LTBP1: variants seen among roughly 807,000 people sequenced by gnomAD.
LTBP1 encodes the protein latent transforming growth factor beta binding protein 1, also known as latent-transforming growth factor beta-binding protein 1.
A neutral mutation model predicts 207.6 loss-of-function variants in LTBP1; 129 were observed. That is an observed-to-expected ratio of 0.62 (90% CI 0.54 to 0.72). LTBP1 has a LOEUF of 0.72. Among genes scored for constraint, LTBP1 ranks in the 30% least tolerant of loss-of-function variants. The probability of loss-of-function intolerance (pLI) is 0.00; values close to 1 mark genes in which losing one functional copy is unlikely to be tolerated. For missense variants in LTBP1, 2,281 were observed against 2,217.2 expected (o/e 1.03, Z -0.58); for synonymous variants, 963 against 833.7 (o/e 1.16, Z -2.67).
At chr2:33,398,287 T>A in intron 33 of LTBP1, 77 bp from the exon 34 acceptor site, 1 of 1,379,390 alleles carries the variant, frequency 7.2e-7, no homozygotes, top group Non-Finnish European at 1.0e-6. Flanking sequence ...GGGAAGGGCC[T>A]CAGGTAAGCC....
At chr2:33,163,807 GT>G (rs1386744602) in intron 5 of LTBP1, among the ~76,000 whole-genome samples, 2 of 152,072 alleles carry the variant, frequency 1.3e-5, no homozygotes, top group African/African-American at 4.8e-5. Flanking sequence ...TTGATTTCTA[GT>G]TAATAAAGAT....
At position 33,089,141 on chromosome 2, in the gene LTBP1, G is replaced by A. The variant is rs2078928585; in HGVS notation, c.864-21441G>A. On this transcript the variant is annotated intron_variant, in intron 3 of 33. Coordinates refer to ENST00000404816, the MANE Select transcript of LTBP1 (RefSeq NM_206943.4). ...ACTGCACTCCAGCCTGGGTGATAGA[G>A]TAAGACTCAGTCTCAAAAAAAAAAA... Among the ~76,000 whole-genome samples, 3 of 118,796 alleles carry A rather than the reference G, an allele frequency of 2.5e-5. No individual in the cohort carries two copies. The South Asian group carries it at 8.9e-4, about 35-fold the overall frequency. 77.9% of individuals were successfully genotyped at this position (118,796 alleles called of 152,430 possible).
At chr2:33,250,612 A>G (rs982392091) in intron 10 of LTBP1, among the ~76,000 whole-genome samples, 3 of 152,128 alleles carry the variant, frequency 2.0e-5, no homozygotes, top group African/African-American at 2.4e-5. Context: ...AATTCCTGCA[A>G]TCCTAGCCAC....
chr2:33,149,405 G>A (rs1346357018), intron 5 of LTBP1, among the ~76,000 whole-genome samples: 1 of 152,028 alleles, frequency 6.6e-6, no homozygotes, highest in Non-Finnish European at 1.5e-5. Flanking sequence ...ATTTTGTCCA[G>A]GTCCTTGGAA....
chr2:33,125,942 A>G (rs992529062), intron 4 of LTBP1, among the ~76,000 whole-genome samples: 6 of 152,154 alleles, frequency 3.9e-5, no homozygotes, highest in African/African-American at 1.2e-4. Flanking sequence ...GTTCTGGCTC[A>G]GTTTCTTTCA....
At chr2:32,975,608 T>G (rs1681627219) in intron 2 of LTBP1, among the ~76,000 whole-genome samples, 1 of 135,192 alleles carries the variant, frequency 7.4e-6, no homozygotes, top group Non-Finnish European at 1.6e-5. Context: ...TTTTTTTTTT[T>G]TTTTTTTTTT....
chr2:33,045,529 T>C (rs1469292713), intron 3 of LTBP1, among the ~76,000 whole-genome samples: 1 of 152,232 alleles, frequency 6.6e-6, no homozygotes, highest in Non-Finnish European at 1.5e-5. Context: ...TGTAGTATAG[T>C]TTGAAGTCAG....
At position 33,215,716 on chromosome 2, in the gene LTBP1, G is replaced by GTTTTTTT. The variant is rs1287189048; in HGVS notation, c.1702-1830_1702-1829insTTTTTTT. ...GCTAAACTTCCATTGGTTTTCTTTT[G>GTTTTTTT]TTTTTTGTTTTTTTTTTTTGAGATA... On this transcript the variant is annotated intron_variant, in intron 7 of 33. Transcript: ENST00000404816. Among the ~76,000 whole-genome samples the GTTTTTTT allele has an allele frequency of 1.4e-4, 19 of 139,058 alleles. 1 individual carries two copies. Among genetic ancestry groups the GTTTTTTT allele is most frequent in the Middle Eastern group, 3.8e-3 (1 of 260 alleles). The allele number at this position is 139,058 out of a possible 152,430, so 91.2% of individuals were successfully genotyped here.
intron 3 of LTBP1, among the ~76,000 whole-genome samples, chr2:33,074,259 G>A (rs1030484120): frequency 5.3e-5 from 8 of 152,206 alleles, no homozygotes; most frequent in Non-Finnish European, 4.4e-5. Context: ...GCAAACCGGG[G>A]CTGATCTGCC....
intron 24 of LTBP1, among the ~76,000 whole-genome samples, chr2:33,339,376 T>G (rs772242823): frequency 9.4e-4 from 143 of 152,328 alleles, no homozygotes; most frequent in Middle Eastern, 6.8e-3. Context: ...TTTCCGAGTT[T>G]CTTTCCAGCC....
At chr2:33,087,733 A>G (rs185460175) in intron 3 of LTBP1, among the ~76,000 whole-genome samples, 1 of 152,246 alleles carries the variant, frequency 6.6e-6, no homozygotes. Flanking sequence ...TAAAGTGCCG[A>G]TGGAGTTTAT....
At chr2:33,339,827 T>G (rs1310455847) in intron 24 of LTBP1, among the ~76,000 whole-genome samples, 1 of 151,972 alleles carries the variant, frequency 6.6e-6, no homozygotes, top group Non-Finnish European at 1.5e-5. Flanking sequence ...GTATTTTTAG[T>G]AGAGACGGGG....
At chr2:33,291,462 C>G (rs893322731) in intron 19 of LTBP1, 2 of 152,182 alleles carry the variant, frequency 1.3e-5, no homozygotes, top group Non-Finnish European at 2.9e-5. Flanking sequence ...AATTTCTATG[C>G]CTGGTGTCTA....
chr2:33,054,318 C>G (rs942225594), intron 3 of LTBP1, among the ~76,000 whole-genome samples: 1 of 152,150 alleles, frequency 6.6e-6, no homozygotes, highest in African/African-American at 2.4e-5. Flanking sequence ...TTCTGTAATC[C>G]TTTATGAGCT....
chr2:33,262,900 T>C, intron 14 of LTBP1, 79 bp downstream of exon 14: 1 of 963,452 alleles, frequency 1.0e-6, no homozygotes, highest in Non-Finnish European at 1.6e-6. Context: ...TCTTTGACTT[T>C]GTGTAGTAAA....
At chr2:33,164,536 C>G (rs2084759781) in intron 5 of LTBP1, among the ~76,000 whole-genome samples, 1 of 151,432 alleles carries the variant, frequency 6.6e-6, no homozygotes, top group African/African-American at 2.4e-5. Context: ...GTATTTTAGT[C>G]TATGCTTTGA....
At chr2:33,296,587 A>G (rs2148909861) in intron 20 of LTBP1, among the ~76,000 whole-genome samples, 1 of 152,300 alleles carries the variant, frequency 6.6e-6, no homozygotes, top group African/African-American at 2.4e-5. Context: ...TGTTGAATGA[A>G]TGGCTCATTA....
At chr2:33,383,829 G>A (rs567476948) in intron 31 of LTBP1, among the ~76,000 whole-genome samples, 3 of 152,140 alleles carry the variant, frequency 2.0e-5, no homozygotes, top group East Asian at 1.9e-4. Flanking sequence ...GAGCCACTGC[G>A]CCCAGCCCTG....
intron 2 of LTBP1, among the ~76,000 whole-genome samples, chr2:33,009,518 A>C (rs1278953264): frequency 1.3e-5 from 2 of 152,134 alleles, no homozygotes; most frequent in Non-Finnish European, 2.9e-5. Flanking sequence ...AATAAGAGGG[A>C]AGATGTGAAG....
Sources: allele counts gnomAD v4.1 joint callset (sites outside exome capture counted in the v4.1 genomes callset), GRCh38; gene constraint gnomAD v4.1.1; transcripts MANE v1.5; gene names NCBI Gene and HGNC (gene_info 2026-07-23, HGNC 2026-07-21).